SPAG16: variants seen among roughly 807,000 people sequenced by gnomAD.
The protein encoded by SPAG16 is sperm associated antigen 16, also known as sperm-associated antigen 16 protein.
SPAG16 carries 86 observed loss-of-function variants against 80.4 expected under a neutral mutation model. The ratio of observed to expected loss-of-function variants is 1.07; its 90% confidence interval spans 0.90 to 1.28. SPAG16 has a LOEUF of 1.28. Ranked by LOEUF, SPAG16 falls within the 50% of genes most tolerant of loss-of-function variation. SPAG16 has a pLI of 0.00. For synonymous variants in SPAG16, 294 were observed against 265.9 expected, an observed-to-expected ratio of 1.11 and a Z score of -1.03; for missense variants, 870 against 765.3, an observed-to-expected ratio of 1.14 and a Z score of -1.61.
chr2:214,104,756 G>A (rs2053288968), intron 13 of SPAG16, among the ~76,000 whole-genome samples: 1 of 152,100 alleles, frequency 6.6e-6, no homozygotes, highest in African/African-American at 2.4e-5. Context: ...GCATCAGACA[G>A]GTCACCAGCA....
At chr2:214,003,305 T>C (rs2046879906) in intron 12 of SPAG16, among the ~76,000 whole-genome samples, 1 of 152,246 alleles carries the variant, frequency 6.6e-6, no homozygotes, top group South Asian at 2.1e-4. Flanking sequence ...AAATAGTGTC[T>C]ATTTATTAAA....
At chr2:214,011,861 C>T (rs2047296533) in intron 12 of SPAG16, among the ~76,000 whole-genome samples, 1 of 151,962 alleles carries the variant, frequency 6.6e-6, no homozygotes, top group African/African-American at 2.4e-5. Context: ...CTTTTGATGT[C>T]TCAAAAATGC....
chr2:213,716,338 G>T (rs12475452), intron 10 of SPAG16, among the ~76,000 whole-genome samples: 82,580 of 151,962 alleles, frequency 0.54, 22,786 homozygotes, highest in Non-Finnish European at 0.6. Flanking sequence ...ACAAAATGAT[G>T]TGAGAGTATC....
intron 15 of SPAG16, among the ~76,000 whole-genome samples, chr2:214,369,994 A>G (rs1699712313): frequency 6.6e-6 from 1 of 152,060 alleles, no homozygotes; most frequent in African/African-American, 2.4e-5. Context: ...TCTTTTTTCA[A>G]AGGTCAAAAA....
intron 12 of SPAG16, among the ~76,000 whole-genome samples, chr2:214,013,234 A>G (rs907570234): frequency 1.4e-5 from 2 of 146,614 alleles, no homozygotes; most frequent in Non-Finnish European, 1.5e-5. Flanking sequence ...AATTGTACAT[A>G]TGGGGTACAA....
At chr2:213,688,183 G>A (rs1172586892) in intron 10 of SPAG16, among the ~76,000 whole-genome samples, 1 of 152,174 alleles carries the variant, frequency 6.6e-6, no homozygotes, top group African/African-American at 2.4e-5. Flanking sequence ...TAAAGACCTT[G>A]GATCAACAGA....
chr2:213,317,276 T>A lies in SPAG16; in HGVS notation c.456T>A (p.Asp152Glu). 6.2e-7 allele frequency: 1 copy of A among 1,610,808 alleles called. No individual in the cohort carries two copies. The highest frequency in any genetic ancestry group is 1.1e-5 in the South Asian group (1 of 90,816). The change falls in exon 5 of 16, where the codon GAT becomes GAA. Residue 152 changes from aspartate (D) to glutamate (E), a missense_variant. Coordinates refer to ENST00000331683, the MANE Select transcript of SPAG16 (RefSeq NM_024532.5). Reference sequence around the variant, plus strand: ...TTAGAACTGTTGGGAATGTTCCAGATGTCTACACCCAGATTATGCTTTTGG... The same window carrying A: ...TTAGAACTGTTGGGAATGTTCCAGAAGTCTACACCCAGATTATGCTTTTGG... Reference protein sequence around the residue: ...TELRTVGNVPDVYTQIMLLEN... With the variant: ...TELRTVGNVPEVYTQIMLLEN...
intron 10 of SPAG16, among the ~76,000 whole-genome samples, chr2:213,726,509 A>T (rs1183009919): frequency 6.6e-6 from 1 of 152,240 alleles, no homozygotes; most frequent in Admixed American, 6.5e-5. Flanking sequence ...CTTTGAAAAA[A>T]AAGTGAAGAA....
At chr2:213,727,725 T>A (rs7585736) in intron 10 of SPAG16, among the ~76,000 whole-genome samples, 52 of 152,242 alleles carry the variant, frequency 3.4e-4, no homozygotes, top group Non-Finnish European at 5.0e-4. Context: ...AAGGGATACC[T>A]CTAAGGATGC....
At chr2:213,750,923 T>C (rs972390996) in intron 10 of SPAG16, among the ~76,000 whole-genome samples, 7 of 152,340 alleles carry the variant, frequency 4.6e-5, no homozygotes, top group African/African-American at 1.4e-4. Context: ...CGATGATACA[T>C]TAACTCCTTG....
At chr2:214,190,411 A>G (rs373714048) in intron 15 of SPAG16, among the ~76,000 whole-genome samples, 68 of 152,220 alleles carry the variant, frequency 4.5e-4, no homozygotes, top group African/African-American at 1.5e-3. Flanking sequence ...AATTTTGAAA[A>G]CGAATATATA....
chr2:214,230,341 C>T (rs1320125190), intron 15 of SPAG16, among the ~76,000 whole-genome samples: 1 of 151,856 alleles, frequency 6.6e-6, no homozygotes, highest in Non-Finnish European at 1.5e-5. Flanking sequence ...ATGCTCATTT[C>T]TAGAAAAACC....
At chr2:214,022,654 A>G (rs1194470003) in intron 13 of SPAG16, among the ~76,000 whole-genome samples, 1 of 152,052 alleles carries the variant, frequency 6.6e-6, no homozygotes, top group East Asian at 1.9e-4. Flanking sequence ...GGTGCTTAAC[A>G]GATGTTAAAG....
chr2:213,482,238 G>A (rs940781578), intron 9 of SPAG16, among the ~76,000 whole-genome samples: 1 of 152,146 alleles, frequency 6.6e-6, no homozygotes, highest in African/African-American at 2.4e-5. Flanking sequence ...GGGCACAAAG[G>A]GGTGGCCAAA....
intron 12 of SPAG16, among the ~76,000 whole-genome samples, chr2:213,944,575 G>A (rs2079358874): frequency 6.6e-6 from 1 of 152,120 alleles, no homozygotes; most frequent in Non-Finnish European, 1.5e-5. Flanking sequence ...ATAATATTTA[G>A]ATAAGGCTTT....
chr2:214,042,372 C>G (rs995721428), intron 13 of SPAG16, among the ~76,000 whole-genome samples: 2 of 151,922 alleles, frequency 1.3e-5, no homozygotes, highest in African/African-American at 4.8e-5. Flanking sequence ...ATGGGAAAAA[C>G]TGCAGTTACT....
At chr2:213,466,354 G>A (rs1305299573) in intron 9 of SPAG16, among the ~76,000 whole-genome samples, 1 of 152,196 alleles carries the variant, frequency 6.6e-6, no homozygotes, top group Non-Finnish European at 1.5e-5. Context: ...CTAAGGGCTT[G>A]TGCCTCAAGC....
chr2:213,917,115 C>G (rs999889787), intron 11 of SPAG16, among the ~76,000 whole-genome samples: 1 of 152,186 alleles, frequency 6.6e-6, no homozygotes, highest in East Asian at 1.9e-4. Context: ...TCTGGGCTCC[C>G]TATTCTGTTC....
intron 11 of SPAG16, among the ~76,000 whole-genome samples, chr2:213,873,054 T>C (rs2105993812): frequency 6.6e-6 from 1 of 152,198 alleles, no homozygotes; most frequent in South Asian, 2.1e-4. Context: ...GTTTTGGTAT[T>C]AGAACAATAC....
Sources: allele counts gnomAD v4.1 joint callset (sites outside exome capture counted in the v4.1 genomes callset), GRCh38; gene constraint gnomAD v4.1.1; transcripts MANE v1.5; gene names NCBI Gene and HGNC (gene_info 2026-07-23, HGNC 2026-07-21).